CPNE8: variants seen among roughly 807,000 people sequenced by gnomAD.
CPNE8 encodes the protein copine-8.
In CPNE8, 45 loss-of-function variants were observed where a neutral mutation model predicts 81.5. The ratio of observed to expected loss-of-function variants is 0.55; its 90% CI spans 0.44 to 0.71. The LOEUF is 0.71. Among genes scored for constraint, CPNE8 ranks in the 30% least tolerant of loss-of-function variants. The pLI, the probability that CPNE8 is intolerant of heterozygous loss-of-function variation, is 0.00. For missense variants in CPNE8, 594 were observed against 672.1 expected (o/e 0.88, Z 1.28); for synonymous variants, 252 against 226.3 (o/e 1.11, Z -1.02).
At chr12:38,797,755 TA>T (rs995815912) in intron 6 of CPNE8, among the ~76,000 whole-genome samples, 12 of 152,054 alleles carry the variant, frequency 7.9e-5, no homozygotes, top group Admixed American at 6.6e-4. Context: ...TACTCCGAGC[TA>T]AAGGAGGAAG....
intron 6 of CPNE8, among the ~76,000 whole-genome samples, chr12:38,809,313 G>A (rs1035328908): frequency 2.0e-5 from 3 of 152,054 alleles, no homozygotes; most frequent in African/African-American, 7.2e-5. Context: ...GTTTCCACGT[G>A]GCCTCCATGT....
chr12:38,863,086 C>G (rs1943864071), intron 3 of CPNE8, among the ~76,000 whole-genome samples: 1 of 151,950 alleles, frequency 6.6e-6, no homozygotes, highest in Non-Finnish European at 1.5e-5. Flanking sequence ...ACTGATAAAC[C>G]TTTGCCAAGA....
At chr12:38,769,599 T>C (rs1941759427) in intron 7 of CPNE8, among the ~76,000 whole-genome samples, 1 of 152,178 alleles carries the variant, frequency 6.6e-6, no homozygotes, top group South Asian at 2.1e-4. Flanking sequence ...TCCAAGGACA[T>C]TGTTCTTGCA....
At chr12:38,797,079 G>C (rs1002225632) in intron 6 of CPNE8, among the ~76,000 whole-genome samples, 2 of 152,304 alleles carry the variant, frequency 1.3e-5, no homozygotes, top group South Asian at 4.1e-4. Flanking sequence ...ACAGCTCAAG[G>C]AGGCCTGCCT....
intron 5 of CPNE8, among the ~76,000 whole-genome samples, chr12:38,833,368 A>G (rs1220366133): frequency 6.4e-4 from 97 of 151,308 alleles, no homozygotes; most frequent in Admixed American, 2.6e-3. Flanking sequence ...AAAAAAAAAA[A>G]AAAAGAAAAG....
chr12:38,683,363 T>C (rs1034386464), intron 16 of CPNE8, among the ~76,000 whole-genome samples: 1 of 152,160 alleles, frequency 6.6e-6, no homozygotes. Context: ...TATTAACATA[T>C]ACAGAATTTG....
At chr12:38,657,594 G>T (rs931772476) in intron 19 of CPNE8, among the ~76,000 whole-genome samples, 1 of 152,140 alleles carries the variant, frequency 6.6e-6, no homozygotes, top group Non-Finnish European at 1.5e-5. Flanking sequence ...CCTGACCCCC[G>T]TATAGCGTAA....
chr12:38,672,337 C>T lies in CPNE8; in HGVS notation c.1433-1535G>A, dbSNP rs149872489. ...GCATGAAGTCCTATAAAATATCTCC[C>T]ACTTTTCAGCATGTCTGGTTTAAAA... On this transcript the variant is annotated intron_variant, in intron 18 of 19. Coordinates refer to ENST00000331366, the MANE Select transcript of CPNE8 (RefSeq NM_153634.3). Among the ~76,000 whole-genome samples, 158 of 152,250 alleles carry T rather than the reference C, an allele frequency of 1.0e-3. 1 individual carries two copies. The highest frequency in any genetic ancestry group is 3.5e-3 in the African/African-American group (146 of 41,550).
rs1301036641 is a variant in CPNE8 at position 38,670,806 on chromosome 12, T to G, written c.1433-4A>C. On this transcript the variant is annotated splice_region_variant and splice_polypyrimidine_tract_variant and intron_variant, in intron 18 of 19. Coordinates refer to ENST00000331366, the MANE Select transcript of CPNE8 (RefSeq NM_153634.3). Reference sequence around the variant, plus strand: ...TCTCCATCCAATTCGACCATTGCTTTAAGAGAAAATATGATCATTTATTCA... The same window carrying G: ...TCTCCATCCAATTCGACCATTGCTTGAAGAGAAAATATGATCATTTATTCA... 1 of 1,595,966 alleles carries G rather than the reference T, an allele frequency of 6.3e-7. No individual in the cohort carries two copies. Among genetic ancestry groups the G allele is most frequent in the Non-Finnish European group, 8.6e-7 (1 of 1,166,812 alleles).
chr12:38,878,847 T>A (rs1229941566), intron 1 of CPNE8, among the ~76,000 whole-genome samples: 1 of 152,124 alleles, frequency 6.6e-6, no homozygotes, highest in Non-Finnish European at 1.5e-5. Flanking sequence ...ACAATCTGCA[T>A]TAAAGGTTTA....
At chr12:38,660,936 A>G (rs1938938081) in intron 19 of CPNE8, among the ~76,000 whole-genome samples, 1 of 152,230 alleles carries the variant, frequency 6.6e-6, no homozygotes, top group Non-Finnish European at 1.5e-5. Context: ...TAGAATGGCA[A>G]TCATTAAAAA....
intron 4 of CPNE8, among the ~76,000 whole-genome samples, chr12:38,844,541 C>T (rs553160864): frequency 3.9e-5 from 6 of 151,910 alleles, no homozygotes; most frequent in African/African-American, 1.2e-4. Context: ...ATCAAAAAGG[C>T]AAGGGAATTT....
chr12:38,899,473 T>TGAGA (rs1944430364), intron 1 of CPNE8, among the ~76,000 whole-genome samples: 1 of 152,210 alleles, frequency 6.6e-6, no homozygotes, highest in South Asian at 2.1e-4. Context: ...TGTATGATGT[T>TGAGA]AATAAGCCAC....
chr12:38,793,463 C>A (rs1248310656), intron 6 of CPNE8, among the ~76,000 whole-genome samples: 1 of 151,690 alleles, frequency 6.6e-6, no homozygotes, highest in Non-Finnish European at 1.5e-5. Flanking sequence ...AAGATAATTT[C>A]ATTTACAATA....
At chr12:38,781,757 A>G (rs1202998007) in intron 6 of CPNE8, among the ~76,000 whole-genome samples, 2 of 152,104 alleles carry the variant, frequency 1.3e-5, no homozygotes, top group Non-Finnish European at 2.9e-5. Context: ...ATTAATATGT[A>G]TTCCTGATAA....
intron 5 of CPNE8, among the ~76,000 whole-genome samples, chr12:38,838,710 G>C (rs1301543986): frequency 6.6e-6 from 1 of 152,058 alleles, no homozygotes; most frequent in Non-Finnish European, 1.5e-5. Context: ...TTTTCAACCT[G>C]TAAAGAGGTA....
chr12:38,805,419 C>A (rs201769232), intron 6 of CPNE8, among the ~76,000 whole-genome samples: 1,829 of 59,350 alleles, frequency 0.031, 125 homozygotes, highest in East Asian at 0.25. Context: ...GAACAAAAAA[C>A]CAAACACCGC....
chr12:38,902,417 A>AAGAGAAAG (rs1166996215), intron 1 of CPNE8, among the ~76,000 whole-genome samples: 1 of 72,890 alleles, frequency 1.4e-5, no homozygotes, highest in Non-Finnish European at 2.7e-5. Context: ...GAAAGAAAGA[A>AAGAGAAAG]AAAGAAAGAA....
chr12:38,808,000 A>G (rs1197841047), intron 6 of CPNE8, among the ~76,000 whole-genome samples: 1 of 152,154 alleles, frequency 6.6e-6, no homozygotes, highest in East Asian at 1.9e-4. Flanking sequence ...ACACATGGAA[A>G]AATGCTCATC....
Sources: gnomAD v4.1 joint callset for allele counts (sites outside exome capture counted in the v4.1 genomes callset) on GRCh38, gnomAD v4.1.1 for gene constraint, MANE v1.5 for transcripts, NCBI Gene and HGNC (gene_info 2026-07-23, HGNC 2026-07-21) for gene names.